Variants in PCDH9 observed in about 807,000 individuals in gnomAD.
PCDH9 encodes the protein protocadherin 9, also known as protocadherin-9.
Under a neutral mutation model 70.6 loss-of-function variants are expected in PCDH9, and 24 were observed. The observed-to-expected ratio is 0.34, with a 90% CI of 0.25 to 0.48. The LOEUF is 0.48. Among genes scored for constraint, PCDH9 ranks in the 20% least tolerant of loss-of-function variants. The probability of loss-of-function intolerance (pLI) is 0.99; values close to 1 mark genes in which losing one functional copy is unlikely to be tolerated. For missense variants in PCDH9, 1,281 were observed against 1,503.6 expected (o/e 0.85, Z 2.45); for synonymous variants, 562 against 558.5 (o/e 1.01, Z -0.09).
At chr13:67,019,208 T>TTC (rs1163739703) in intron 2 of PCDH9, among the ~76,000 whole-genome samples, 18 of 146,546 alleles carry the variant, frequency 1.2e-4, no homozygotes, top group Admixed American at 3.4e-4. Flanking sequence ...TTTTTTTTTT[T>TTC]TCTGAGATGG....
At chr13:67,188,545 A>G (rs2088821350) in intron 2 of PCDH9, among the ~76,000 whole-genome samples, 1 of 152,026 alleles carries the variant, frequency 6.6e-6, no homozygotes, top group Admixed American at 6.6e-5. Flanking sequence ...TCAATAAGTT[A>G]TTTATCTATA....
intron 2 of PCDH9, among the ~76,000 whole-genome samples, chr13:66,970,589 T>C (rs1051740908): frequency 2.8e-5 from 4 of 142,218 alleles, no homozygotes; most frequent in Admixed American, 7.6e-5. Context: ...CAGGGGTTCA[T>C]GCCACTGCAC....
intron 2 of PCDH9, among the ~76,000 whole-genome samples, chr13:67,165,968 A>T (rs2088105620): frequency 1.3e-5 from 2 of 152,214 alleles, no homozygotes; most frequent in Admixed American, 6.5e-5. Flanking sequence ...TATCTATTAC[A>T]AGTAATGAGT....
intron 2 of PCDH9, among the ~76,000 whole-genome samples, chr13:66,928,395 T>C (rs2082749911): frequency 6.6e-6 from 1 of 152,072 alleles, no homozygotes; most frequent in Admixed American, 6.6e-5. Flanking sequence ...CTCACAACAA[T>C]ACACAAGGTG....
intron 4 of PCDH9, among the ~76,000 whole-genome samples, chr13:66,482,061 C>T (rs1017524913): frequency 6.6e-6 from 1 of 152,036 alleles, no homozygotes. Context: ...TTTTGGGTAC[C>T]TTTCATCTAT....
intron 3 of PCDH9, among the ~76,000 whole-genome samples, chr13:66,789,316 G>T (rs985547097): frequency 6.6e-6 from 1 of 152,178 alleles, no homozygotes; most frequent in Admixed American, 6.6e-5. Flanking sequence ...AATCTCCCCC[G>T]TGGCTAATAG....
chr13:66,999,075 C>T (rs528536913), intron 2 of PCDH9, among the ~76,000 whole-genome samples: 2 of 152,304 alleles, frequency 1.3e-5, no homozygotes, highest in South Asian at 4.1e-4. Flanking sequence ...AGCCAATCAT[C>T]CTTTAGAACG....
At chr13:66,513,248 C>T (rs1475188838) in intron 4 of PCDH9, among the ~76,000 whole-genome samples, 3 of 146,218 alleles carry the variant, frequency 2.1e-5, no homozygotes, top group Admixed American at 6.9e-5. Context: ...GAATAAAATG[C>T]CATTTTTTCT....
intron 3 of PCDH9, among the ~76,000 whole-genome samples, chr13:66,825,472 G>A (rs1015136740): frequency 2.7e-5 from 4 of 149,606 alleles, no homozygotes; most frequent in Non-Finnish European, 4.4e-5. Flanking sequence ...GTGTAGCTGG[G>A]ACTACAGGCG....
At chr13:66,900,797 G>A (rs1167167131) in intron 3 of PCDH9, among the ~76,000 whole-genome samples, 1 of 151,514 alleles carries the variant, frequency 6.6e-6, no homozygotes, top group Non-Finnish European at 1.5e-5. Context: ...TTAAATATTT[G>A]TGTGTGTTAA....
intron 3 of PCDH9, among the ~76,000 whole-genome samples, chr13:66,701,099 A>C (rs2078640716): frequency 6.6e-6 from 1 of 151,298 alleles, no homozygotes; most frequent in African/African-American, 2.4e-5. Context: ...TCTAATGAGA[A>C]ATAAAAATTT....
chr13:66,898,972 A>T (rs1368215662), intron 3 of PCDH9, among the ~76,000 whole-genome samples: 1 of 151,994 alleles, frequency 6.6e-6, no homozygotes, highest in Non-Finnish European at 1.5e-5. Flanking sequence ...CCTTGAAGAC[A>T]GTTGTCTTGA....
At chr13:66,978,121 A>G (rs1197500039) in intron 2 of PCDH9, among the ~76,000 whole-genome samples, 3 of 152,134 alleles carry the variant, frequency 2.0e-5, no homozygotes, top group Non-Finnish European at 2.9e-5. Flanking sequence ...TTTTCAAGGT[A>G]TAGTTTCAGG....
chr13:66,352,202 G>T (rs1028365536), intron 4 of PCDH9, among the ~76,000 whole-genome samples: 2 of 152,126 alleles, frequency 1.3e-5, no homozygotes, highest in Admixed American at 6.6e-5. Context: ...CAATGAAACA[G>T]TCTCAAAAAA....
At chr13:67,075,160 G>T (rs984298140) in intron 2 of PCDH9, among the ~76,000 whole-genome samples, 2 of 151,888 alleles carry the variant, frequency 1.3e-5, no homozygotes, top group African/African-American at 4.8e-5. Flanking sequence ...AGGACACCGA[G>T]GAATATAATC....
intron 4 of PCDH9, among the ~76,000 whole-genome samples, chr13:66,430,720 T>C (rs1461194568): frequency 1.3e-5 from 2 of 152,036 alleles, no homozygotes; most frequent in Non-Finnish European, 2.9e-5. Flanking sequence ...TAACAGTGTC[T>C]TGGCATATTG....
At chr13:66,833,615 G>A (rs1302074057) in intron 3 of PCDH9, among the ~76,000 whole-genome samples, 5 of 151,890 alleles carry the variant, frequency 3.3e-5, no homozygotes, top group Admixed American at 3.3e-4. Flanking sequence ...TATTTACAAG[G>A]GCATGTGATA....
chr13:66,400,213 T>C (rs907950955), intron 4 of PCDH9, among the ~76,000 whole-genome samples: 4 of 152,194 alleles, frequency 2.6e-5, no homozygotes, highest in African/African-American at 9.6e-5. Flanking sequence ...ATGAAACCTA[T>C]CTACCTGATT....
At chr13:66,445,042 CTATATATATAA>C (rs1285703750) in intron 4 of PCDH9, among the ~76,000 whole-genome samples, 2 of 145,896 alleles carry the variant, frequency 1.4e-5, no homozygotes, top group South Asian at 2.1e-4. Flanking sequence ...GATCTTTTCA[CTATATATATAA>C]TATATATATA....
Sources: allele counts gnomAD v4.1 joint callset (sites outside exome capture counted in the v4.1 genomes callset), GRCh38; gene constraint gnomAD v4.1.1; transcripts MANE v1.5; gene names NCBI Gene and HGNC (gene_info 2026-07-23, HGNC 2026-07-21).